NID1: variants seen among roughly 807,000 people sequenced by gnomAD.
The protein encoded by NID1 is nidogen 1.
A neutral mutation model predicts 130.6 loss-of-function variants in NID1; 76 were observed. That is an observed-to-expected ratio of 0.58 (90% confidence interval 0.48 to 0.70). The LOEUF is 0.70. NID1 is among the 30% of genes least tolerant of loss of function. The pLI is 0.00. For missense variants in NID1, 1,517 were observed against 1,664.8 expected, an observed-to-expected ratio of 0.91 and a Z score of 1.54; for synonymous variants, 665 against 675.1, an observed-to-expected ratio of 0.98 and a Z score of 0.23.
At chr1:235,984,878 G>T (rs1657527613) in intron 15 of NID1, among the ~76,000 whole-genome samples, 1 of 152,140 alleles carries the variant, frequency 6.6e-6, no homozygotes, top group Non-Finnish European at 1.5e-5. Context: ...TTGAGGAATT[G>T]AGGTTGAACA....
chr1:236,050,340 G>A (rs985842849), intron 1 of NID1, among the ~76,000 whole-genome samples: 1 of 152,156 alleles, frequency 6.6e-6, no homozygotes, highest in East Asian at 1.9e-4. Context: ...GATCACCTGA[G>A]GTCAGGAGTT....
At chr1:235,980,872 T>G (rs1657418843) in intron 16 of NID1, among the ~76,000 whole-genome samples, 1 of 152,206 alleles carries the variant, frequency 6.6e-6, no homozygotes, top group Non-Finnish European at 1.5e-5. Context: ...CTAACAAATT[T>G]GGTTCCCTTT....
Position 235,993,884 on chromosome 1 carries a change from A to C in NID1, c.2528-12T>G. 1.2e-6 allele frequency: 2 copies of C among 1,601,340 alleles called. No individual in the cohort carries two copies. Among genetic ancestry groups the C allele is most frequent in the Non-Finnish European group, 1.7e-6 (2 of 1,169,688 alleles). On this transcript the variant is annotated splice_polypyrimidine_tract_variant and intron_variant, in intron 12 of 19. Coordinates refer to ENST00000264187, the MANE Select transcript of NID1 (RefSeq NM_002508.3). ...GGTTTTCTCCACCTCTATCAGAGAA[A>C]CAGGCAACAAGAAAGCTGTCAGGTG...
intron 1 of NID1, among the ~76,000 whole-genome samples, chr1:236,062,987 A>T (rs749616182): frequency 2.7e-5 from 4 of 147,708 alleles, no homozygotes; most frequent in Non-Finnish European, 6.0e-5. Context: ...AATCCCGTCT[A>T]TACTAAAAAT....
At chr1:236,059,065 A>G (rs940407509) in intron 1 of NID1, among the ~76,000 whole-genome samples, 2 of 152,212 alleles carry the variant, frequency 1.3e-5, no homozygotes, top group Admixed American at 1.3e-4. Context: ...CATACTTGAA[A>G]CAGACAAGGA....
intron 5 of NID1, among the ~76,000 whole-genome samples, chr1:236,037,023 AAG>A (rs1659279988): frequency 6.6e-6 from 1 of 152,228 alleles, no homozygotes; most frequent in Admixed American, 6.5e-5. Context: ...TTCTGGAATT[AAG>A]ACAAATTCCA....
At chr1:236,011,863 G>A (rs1167372558) in intron 12 of NID1, 58 bp downstream of exon 12, 1 of 1,600,600 alleles carries the variant, frequency 6.2e-7, no homozygotes, top group Non-Finnish European at 8.5e-7. Flanking sequence ...TGGGCCATGT[G>A]CTCTGCATTC....
In NID1 at chr1:236,004,135, T is replaced by C. The variant is rs559229974; in HGVS notation, c.2527+7786A>G. Among the ~76,000 whole-genome samples the C allele has an allele frequency of 5.3e-5, 8 of 151,380 alleles. No individual in the cohort carries two copies. The South Asian group carries it at 1.7e-3, about 32-fold the overall frequency. Reference sequence around the variant, plus strand: ...TTTTACGAGAGCAGTTTGGGTGTTGTGGTGGGGAAAGAAGCTGACTGCAGT... The same window carrying C: ...TTTTACGAGAGCAGTTTGGGTGTTGCGGTGGGGAAAGAAGCTGACTGCAGT... On this transcript the variant is annotated intron_variant, in intron 12 of 19. Transcript: ENST00000264187.
intron 10 of NID1, among the ~76,000 whole-genome samples, chr1:236,014,013 T>C (rs1330446353): frequency 1.3e-5 from 2 of 152,158 alleles, no homozygotes; most frequent in African/African-American, 4.8e-5. Context: ...GCCCACCCTG[T>C]ACAGGTGGAA....
At chr1:235,978,328 T>G (rs191126624) in intron 19 of NID1, among the ~76,000 whole-genome samples, 1 of 152,270 alleles carries the variant, frequency 6.6e-6, no homozygotes, top group African/African-American at 2.4e-5. Flanking sequence ...TTATGTAGCT[T>G]GCACTCCTAG....
intron 14 of NID1, 137 bp downstream of exon 14, chr1:235,990,749 G>T: frequency 1.1e-6 from 1 of 871,066 alleles, no homozygotes; most frequent in Non-Finnish European, 1.8e-6. Flanking sequence ...ATCTAGAGAT[G>T]GTCACCCAGG....
At chr1:236,017,782 G>A (rs1053051886) in intron 9 of NID1, among the ~76,000 whole-genome samples, 4 of 152,148 alleles carry the variant, frequency 2.6e-5, no homozygotes, top group South Asian at 2.1e-4. Flanking sequence ...CTAAGGAAAC[G>A]TGTGCTTCCC....
At chr1:236,023,911 C>T (rs1026562427) in intron 9 of NID1, among the ~76,000 whole-genome samples, 159 bp downstream of exon 9, 12 of 152,196 alleles carry the variant, frequency 7.9e-5, no homozygotes, top group African/African-American at 2.9e-4. Flanking sequence ...CCCACGGGAA[C>T]AGTGAATGTG....
intron 12 of NID1, among the ~76,000 whole-genome samples, chr1:235,998,131 A>T (rs563489485): frequency 6.6e-6 from 1 of 152,180 alleles, no homozygotes; most frequent in African/African-American, 2.4e-5. Flanking sequence ...GTGACATTCC[A>T]TAAGTGTGTT....
chr1:236,015,664 A>G (rs1658569458), intron 10 of NID1, among the ~76,000 whole-genome samples: 1 of 151,136 alleles, frequency 6.6e-6, no homozygotes, highest in Non-Finnish European at 1.5e-5. Context: ...AAAAAAAAAA[A>G]AAAGGGAGGC....
Position 236,065,087 on chromosome 1 carries a change from A to C in NID1, c.-8T>G. 5.2e-6 allele frequency: 8 copies of C among 1,549,062 alleles called. No individual in the cohort carries two copies. The highest frequency in any genetic ancestry group is 6.1e-6 in the Non-Finnish European group (7 of 1,146,338). On this transcript the variant is annotated 5_prime_UTR_variant, in exon 1 of 20. Coordinates refer to ENST00000264187, the MANE Select transcript of NID1 (RefSeq NM_002508.3). This position sits in a 1 kb window ranked among gnomAD's most constrained non-coding sequence, Gnocchi z 4.1. ...GCTGCTCGAGGCCAACATGTTCCCG[A>C]ACTGCGGTCCCGCAAACCCGGTCCC...
chr1:235,980,718 G>A (rs774364197), intron 16 of NID1, 65 bp from the exon 17 acceptor site: 1 of 1,517,874 alleles, frequency 6.6e-7, no homozygotes, highest in Non-Finnish European at 9.0e-7. Flanking sequence ...AAAAGTTTAT[G>A]AAAAACACTT....
At chr1:236,064,556 G>C (rs912840635) in intron 1 of NID1, 2 of 354,856 alleles carry the variant, frequency 5.6e-6, no homozygotes, top group South Asian at 6.2e-5. Context: ...ACCTCCCTGC[G>C]GCGATGCAGC....
At chr1:236,058,265 G>T (rs1357264399) in intron 1 of NID1, among the ~76,000 whole-genome samples, 1 of 152,116 alleles carries the variant, frequency 6.6e-6, no homozygotes, top group African/African-American at 2.4e-5. Flanking sequence ...CTGAGAAAAA[G>T]TTCCTTTAGC....
Sources: allele counts gnomAD v4.1 joint callset (sites outside exome capture counted in the v4.1 genomes callset), GRCh38; gene constraint gnomAD v4.1.1; non-coding constraint Gnocchi (gnomAD v3.1); transcripts MANE v1.5; gene names NCBI Gene and HGNC (gene_info 2026-07-23, HGNC 2026-07-21).